The following DNAH10 variants were observed in gnomAD, a reference collection of about 807,000 sequenced individuals.
The protein encoded by DNAH10 is dynein axonemal heavy chain 10.
DNAH10 carries 348 observed loss-of-function variants against 506.6 expected under a neutral mutation model. The observed-to-expected ratio is 0.69, with a 90% confidence interval of 0.63 to 0.75. The LOEUF is 0.75. Among genes scored for constraint, DNAH10 ranks in the 30% least tolerant of loss-of-function variants. DNAH10 has a pLI of 0.00. For synonymous variants in DNAH10, 2,059 were observed against 2,198.6 expected, an observed-to-expected ratio of 0.94 and a Z score of 1.78; for missense variants, 5,179 against 5,787.1, an observed-to-expected ratio of 0.89 and a Z score of 3.41.
intron 18 of DNAH10, among the ~76,000 whole-genome samples, chr12:123,806,353 G>A (rs1042819801): frequency 2.0e-5 from 3 of 152,156 alleles, no homozygotes; most frequent in Admixed American, 2.0e-4. Context: ...GGAGGATACA[G>A]AATCTTGGCA....
intron 39 of DNAH10, among the ~76,000 whole-genome samples, chr12:123,863,708 G>T (rs1490135413): frequency 3.9e-5 from 6 of 152,172 alleles, no homozygotes; most frequent in African/African-American, 1.4e-4. Flanking sequence ...AATCCAGAAT[G>T]GTCACATCTT....
At chr12:123,827,617 T>C (rs1385295153) in intron 25 of DNAH10, among the ~76,000 whole-genome samples, 1 of 152,218 alleles carries the variant, frequency 6.6e-6, no homozygotes, top group African/African-American at 2.4e-5. Context: ...TCTGCTCGTG[T>C]TCCTCTATTC....
chr12:123,885,270 T>C (rs938958765), intron 51 of DNAH10, among the ~76,000 whole-genome samples: 1 of 152,236 alleles, frequency 6.6e-6, no homozygotes, highest in Non-Finnish European at 1.5e-5. Flanking sequence ...ATGTCATTTT[T>C]CCCCACTGTG....
In DNAH10 at chr12:123,790,054, A is replaced by G. The variant is rs1958021215; in HGVS notation, c.1748A>G (p.Asp583Gly). The change falls in exon 11 of 79, where the codon GAC becomes GGC. Residue 583 changes from aspartate to glycine, a missense_variant. Asp to Gly is a moderately conservative substitution (Grantham distance 94). Around this residue, in one of 3 missense-constraint regions of DNAH10, gnomAD observed 4,844 missense variants for 5,430.5 expected, o/e 0.89. Coordinates refer to ENST00000673944, the MANE Select transcript of DNAH10 (RefSeq NM_001372106.1). ...LVTPMENLTF[D>G]PFSIKSSQFW... Reference sequence around the variant, plus strand: ...ACCCCCATGGAAAACCTGACCTTTGACCCCTTCAGCATCAAGTCCTCCCAG... The same window carrying G: ...ACCCCCATGGAAAACCTGACCTTTGGCCCCTTCAGCATCAAGTCCTCCCAG... 1.2e-6 allele frequency: 2 copies of G among 1,614,070 alleles called. No individual in the cohort carries two copies. The highest frequency in any genetic ancestry group is 1.1e-5 in the South Asian group (1 of 91,078).
At chr12:123,904,654 A>G (rs924745134) in intron 57 of DNAH10, among the ~76,000 whole-genome samples, 8 of 152,230 alleles carry the variant, frequency 5.3e-5, no homozygotes, top group Non-Finnish European at 8.8e-5. Flanking sequence ...TTACACATTC[A>G]TACATGGCTC....
At position 123,785,760 on chromosome 12, in the gene DNAH10, G is replaced by T. The variant is rs1490156344; in HGVS notation, c.1245G>T (p.Gly415=). 1.2e-6 allele frequency: 2 copies of T among 1,612,912 alleles called. No homozygotes were observed. The highest frequency in any genetic ancestry group is 1.7e-6 in the Non-Finnish European group (2 of 1,179,022). ...VERYFKNITH[G]SGFHVVLDTI... ...CTCTTGGTCAGAACATAACGCACGG[G>T]TCTGGCTTCCACGTGGTCCTGGACA... The change falls in exon 9 of 79, where the codon GGG becomes GGT. Residue 415 remains glycine (G), a synonymous_variant. Coordinates refer to ENST00000673944, the MANE Select transcript of DNAH10 (RefSeq NM_001372106.1). The surrounding 1 kb of genome is among the most constrained non-coding windows in gnomAD (Gnocchi z 4.1).
intron 1 of DNAH10, among the ~76,000 whole-genome samples, chr12:123,765,722 C>T (rs1207085088): frequency 2.0e-5 from 3 of 151,028 alleles, no homozygotes; most frequent in Non-Finnish European, 4.4e-5. Context: ...CTATCATTCA[C>T]CTATCATCTA....
At position 123,783,717 on chromosome 12, in the gene DNAH10, A is replaced by T. The variant is rs78095731; in HGVS notation, c.1000-230A>T. ...CTTCCTTGCAGCAGTTTCTGGCCTC[A>T]CATTCTGTACACCTCAGTTGTCCGG... is the stretch of plus-strand genomic sequence containing the variant. On this transcript the variant is annotated intron_variant, in intron 7 of 78. Coordinates refer to ENST00000673944, the MANE Select transcript of DNAH10 (RefSeq NM_001372106.1). 9.9e-3 allele frequency among the ~76,000 whole-genome samples: 1,513 copies of T among 152,276 alleles called. 23 individuals carry two copies. Among genetic ancestry groups the T allele is most frequent in the African/African-American group, 0.035 (1,434 of 41,542 alleles).
chr12:123,802,883 C>T (rs1467409888), intron 16 of DNAH10, among the ~76,000 whole-genome samples: 5 of 152,054 alleles, frequency 3.3e-5, no homozygotes, highest in Admixed American at 6.6e-5. Context: ...TTCAGCAACA[C>T]GTCTTTTTAT....
chr12:123,894,722 A>C lies in DNAH10; in HGVS notation c.9279A>C (p.Leu3093=), dbSNP rs772061840. 122 of 1,613,514 alleles carry C rather than the reference A, an allele frequency of 7.6e-5. No individual in the cohort carries two copies. Among genetic ancestry groups the C allele is most frequent in the Non-Finnish European group, 9.7e-5 (115 of 1,179,560 alleles). The change falls in exon 54 of 79, where the codon CTA becomes CTC. Residue 3093 remains leucine (L), a splice_region_variant and synonymous_variant. Transcript: ENST00000673944. ...TCCATGCGGTCGCAAAGTCCTTTCT[A>C]GGTAAGTCACAGCTGTTATGGGAAC... ...QALHAVAKSF[L]GYNPMIPAEN... is the part of the protein sequence containing the mutation.
In DNAH10 at chr12:123,916,761, G is replaced by A; in HGVS notation, c.11002+25G>A. 1.3e-6 allele frequency: 2 copies of A among 1,583,004 alleles called. No individual in the cohort carries two copies. The highest frequency in any genetic ancestry group is 2.2e-5 in the East Asian group (1 of 44,546). On this transcript the variant is annotated intron_variant, in intron 63 of 78. Transcript: ENST00000673944. The surrounding 1 kb of genome is among the most constrained non-coding windows in gnomAD (Gnocchi z 4.6). ...GGTAAGAATGTGTAGAACCTCCACTGCTAATTCAGATGGTTATGAGGGAGA... is the reference window on the plus strand; with the variant it reads ...GGTAAGAATGTGTAGAACCTCCACTACTAATTCAGATGGTTATGAGGGAGA...
intron 27 of DNAH10, among the ~76,000 whole-genome samples, chr12:123,834,188 A>T (rs1036269213): frequency 2.6e-5 from 4 of 152,078 alleles, no homozygotes. Context: ...GGGATATAGC[A>T]CTGTTTTTTA....
Position 123,873,713 on chromosome 12 carries a change from A to G in DNAH10, c.7938+3A>G, listed in dbSNP as rs1440356556. On this transcript the variant is annotated splice_donor_region_variant and intron_variant, in intron 46 of 78. Coordinates refer to ENST00000673944, the MANE Select transcript of DNAH10 (RefSeq NM_001372106.1). ...TGGATGACATGAATATGCCAAGGGT[A>G]GTTTGACGCTCAAGCAGGTGGAGGG... 1 of 1,604,206 alleles carries G rather than the reference A, an allele frequency of 6.2e-7. No homozygotes were observed. The highest frequency in any genetic ancestry group is 1.1e-5 in the South Asian group (1 of 89,408).
At chr12:123,921,146 C>T (rs1347277142) in intron 65 of DNAH10, among the ~76,000 whole-genome samples, 2 of 152,122 alleles carry the variant, frequency 1.3e-5, no homozygotes, top group East Asian at 1.9e-4. Flanking sequence ...ATTTTGTGCT[C>T]GCCTCTCTGT....
chr12:123,838,722 G>C, intron 29 of DNAH10, 33 bp downstream of exon 29: 5 of 1,595,068 alleles, frequency 3.1e-6, no homozygotes, highest in Non-Finnish European at 4.3e-6. Flanking sequence ...GGCTCCCCGT[G>C]TAAGCCTTAG....
intron 16 of DNAH10, among the ~76,000 whole-genome samples, chr12:123,802,958 G>T (rs537108800): frequency 6.6e-6 from 1 of 151,840 alleles, no homozygotes; most frequent in Non-Finnish European, 1.5e-5. Context: ...AGCATCCTTG[G>T]TATACTCTAG....
At chr12:123,788,262 C>G (rs1462243111) in intron 10 of DNAH10, among the ~76,000 whole-genome samples, 1 of 152,226 alleles carries the variant, frequency 6.6e-6, no homozygotes, top group Non-Finnish European at 1.5e-5. Flanking sequence ...TCTTTGGCCA[C>G]TCCTTCTCTG....
rs1951256834 is a variant in DNAH10 at position 123,853,517 on chromosome 12, A to G, written c.6438+165A>G. ...CTTACTTTGGCCTCTTACCTGTTGT[A>G]TCGTTTGCTTGTAATTACACTTAGT... On this transcript the variant is annotated intron_variant, in intron 36 of 78. Coordinates refer to ENST00000673944, the MANE Select transcript of DNAH10 (RefSeq NM_001372106.1). The surrounding 1 kb of genome is among the most constrained non-coding windows in gnomAD (Gnocchi z 4.7). Among the ~76,000 whole-genome samples, 1 of 152,108 alleles carries G rather than the reference A, an allele frequency of 6.6e-6. No homozygotes were observed. Among genetic ancestry groups the G allele is most frequent in the Admixed American group, 6.5e-5 (1 of 15,270 alleles).
intron 57 of DNAH10, among the ~76,000 whole-genome samples, chr12:123,906,018 C>T (rs1423054340): frequency 1.4e-5 from 2 of 143,962 alleles, no homozygotes; most frequent in African/African-American, 2.6e-5. Context: ...CCCGGGTTCA[C>T]GCCATTCTCC....
Sources: gnomAD v4.1 joint callset for allele counts (sites outside exome capture counted in the v4.1 genomes callset) on GRCh38, gnomAD v4.1.1 for gene constraint, gnomAD v4.1.1 regional missense constraint, Gnocchi (gnomAD v3.1) non-coding constraint, MANE v1.5 for transcripts, NCBI Gene and HGNC (gene_info 2026-07-23, HGNC 2026-07-21) for gene names.